The following POC1A variants were observed in gnomAD, a reference collection of about 807,000 sequenced individuals.
The protein encoded by POC1A is POC1 centriolar protein homolog A.
In POC1A, 34 loss-of-function variants were observed where a neutral mutation model predicts 47.8. The ratio of observed to expected loss-of-function variants is 0.71; its 90% CI spans 0.54 to 0.95. The LOEUF (loss-of-function observed/expected upper bound fraction) is 0.95. Ranked by LOEUF, POC1A falls within the 40% of genes least tolerant of loss-of-function variation. POC1A has a pLI of 0.00. For synonymous variants in POC1A, 177 were observed against 207.6 expected (o/e 0.85, Z 1.27); for missense variants, 466 against 528.3 (o/e 0.88, Z 1.16).
chr3:52,089,304 G>A (rs1702567079), intron 10 of POC1A, among the ~76,000 whole-genome samples: 1 of 152,060 alleles, frequency 6.6e-6, no homozygotes, highest in Non-Finnish European at 1.5e-5. Flanking sequence ...ATCACCAGGG[G>A]CCCAGGCAGA....
intron 9 of POC1A, among the ~76,000 whole-genome samples, chr3:52,108,779 T>A (rs1383294307): frequency 2.0e-5 from 3 of 152,168 alleles, no homozygotes; most frequent in African/African-American, 7.2e-5. Context: ...CTGTGTCCCA[T>A]GGGGTCAAAC....
intron 9 of POC1A, among the ~76,000 whole-genome samples, chr3:52,103,789 A>G (rs1298907058): frequency 6.6e-6 from 1 of 152,216 alleles, no homozygotes; most frequent in African/African-American, 2.4e-5. Flanking sequence ...CCACAGCGAC[A>G]TACAACTATA....
chr3:52,098,718 T>A (rs1702899026), intron 9 of POC1A, among the ~76,000 whole-genome samples: 1 of 152,114 alleles, frequency 6.6e-6, no homozygotes, highest in African/African-American at 2.4e-5. Context: ...TTTCCCTGCC[T>A]CCTTGCCCAC....
rs1577800267 is a variant in POC1A at position 52,084,511 on chromosome 3, G to A, written c.1126-8526C>T. 6.6e-6 allele frequency among the ~76,000 whole-genome samples: 1 copy of A among 152,332 alleles called. No individual in the cohort carries two copies. Among genetic ancestry groups the A allele is most frequent in the East Asian group, 1.9e-4 (1 of 5,186 alleles). On this transcript the variant is annotated intron_variant, in intron 10 of 10. Coordinates refer to ENST00000296484, the MANE Select transcript of POC1A (RefSeq NM_015426.5). This position sits in a 1 kb window ranked among gnomAD's most constrained non-coding sequence, Gnocchi z 4.3. ...GCTTCCGAGCACTGACACAGCTGCAGCACCGGTCCTGTCTAGGCTGCGAGG... is the reference window on the plus strand; with the variant it reads ...GCTTCCGAGCACTGACACAGCTGCAACACCGGTCCTGTCTAGGCTGCGAGG...
intron 10 of POC1A, among the ~76,000 whole-genome samples, chr3:52,089,136 G>A (rs1034930018): frequency 2.6e-5 from 4 of 151,858 alleles, no homozygotes; most frequent in African/African-American, 7.3e-5. Flanking sequence ...GAGCTTGCCC[G>A]TTTTTGAGTG....
At chr3:52,113,255 G>A (rs985184647) in intron 9 of POC1A, among the ~76,000 whole-genome samples, 2 of 152,324 alleles carry the variant, frequency 1.3e-5, no homozygotes, top group East Asian at 1.9e-4. Flanking sequence ...GTAGCCTCTG[G>A]AAGAAAAAGG....
At chr3:52,086,885 C>G (rs1434620972) in intron 10 of POC1A, among the ~76,000 whole-genome samples, 2 of 152,238 alleles carry the variant, frequency 1.3e-5, no homozygotes, top group Non-Finnish European at 2.9e-5. Flanking sequence ...CTAGACAGCA[C>G]CTGGTACACA....
At chr3:52,122,569 G>T in intron 8 of POC1A, 92 bp from the exon 9 acceptor site, 1 of 813,608 alleles carries the variant, frequency 1.2e-6, no homozygotes, top group South Asian at 1.5e-5. Flanking sequence ...CATGCCCAAA[G>T]TTCTGAGCCA....
chr3:52,108,706 G>C (rs1199814541), intron 9 of POC1A, among the ~76,000 whole-genome samples: 2 of 152,114 alleles, frequency 1.3e-5, no homozygotes. Flanking sequence ...AGAACCACCA[G>C]AGCAGATCAG....
At chr3:52,082,868 C>G (rs1412995274) in intron 10 of POC1A, among the ~76,000 whole-genome samples, 3 of 152,136 alleles carry the variant, frequency 2.0e-5, no homozygotes, top group African/African-American at 4.8e-5. Flanking sequence ...ACAGATACCC[C>G]CAGTCTGCAC....
At chr3:52,121,144 G>T (rs1703765400) in intron 9 of POC1A, among the ~76,000 whole-genome samples, 1 of 152,188 alleles carries the variant, frequency 6.6e-6, no homozygotes, top group Admixed American at 6.5e-5. Flanking sequence ...GATGAGATAA[G>T]GAATAAACAG....
chr3:52,109,999 A>G (rs1466357498), intron 9 of POC1A, among the ~76,000 whole-genome samples: 1 of 152,042 alleles, frequency 6.6e-6, no homozygotes, highest in Non-Finnish European at 1.5e-5. Context: ...ACCCCATGTC[A>G]TCTGCCCCCC....
chr3:52,127,503 G>C (rs1577886482), intron 7 of POC1A, among the ~76,000 whole-genome samples: 1 of 151,294 alleles, frequency 6.6e-6, no homozygotes, highest in African/African-American at 2.4e-5. Context: ...CCATTCTCCT[G>C]CCTCAGCCTC....
intron 8 of POC1A, 27 bp downstream of exon 8, chr3:52,125,086 C>T: frequency 1.3e-6 from 2 of 1,534,490 alleles, no homozygotes; most frequent in Non-Finnish European, 1.8e-6. Context: ...CCTTCTTCAC[C>T]ATTCCATTCG....
chr3:52,153,085 G>T (rs958437515), intron 1 of POC1A, among the ~76,000 whole-genome samples: 4 of 152,160 alleles, frequency 2.6e-5, no homozygotes, highest in Admixed American at 1.3e-4. Flanking sequence ...AAATATTCTG[G>T]AATTAGTGAT....
intron 10 of POC1A, among the ~76,000 whole-genome samples, chr3:52,091,230 CGT>C (rs1702634142): frequency 6.6e-6 from 1 of 152,010 alleles, no homozygotes; most frequent in South Asian, 2.1e-4. Flanking sequence ...GAGGGAGAGG[CGT>C]GCGATCTCTC....
chr3:52,144,901 C>CA (rs1201498497), intron 6 of POC1A, among the ~76,000 whole-genome samples: 1 of 152,210 alleles, frequency 6.6e-6, no homozygotes, highest in Non-Finnish European at 1.5e-5. Context: ...CGGAACCCCA[C>CA]ACCTGTGTCC....
At chr3:52,126,195 A>G (rs1703993330) in intron 7 of POC1A, among the ~76,000 whole-genome samples, 1 of 152,252 alleles carries the variant, frequency 6.6e-6, no homozygotes, top group African/African-American at 2.4e-5. Flanking sequence ...CCAACTGCCC[A>G]TGAGATGGGC....
intron 10 of POC1A, among the ~76,000 whole-genome samples, chr3:52,089,642 G>A (rs956588139): frequency 7.9e-5 from 12 of 152,184 alleles, no homozygotes. Flanking sequence ...TGGAAGCAGT[G>A]TTAGGAGGGC....
Sources: gnomAD v4.1 joint callset for allele counts (sites outside exome capture counted in the v4.1 genomes callset) on GRCh38, gnomAD v4.1.1 for gene constraint, Gnocchi (gnomAD v3.1) non-coding constraint, MANE v1.5 for transcripts, NCBI Gene and HGNC (gene_info 2026-07-23, HGNC 2026-07-21) for gene names.